SENP6: variants seen among roughly 807,000 people sequenced by gnomAD.
The protein encoded by SENP6 is sentrin-specific protease 6.
In SENP6, 41 loss-of-function variants were observed where a neutral mutation model predicts 134.5. The ratio of observed to expected loss-of-function variants is 0.30; its 90% CI spans 0.24 to 0.40. The LOEUF (loss-of-function observed/expected upper bound fraction) is 0.40. SENP6 is among the 10% of genes least tolerant of loss of function. SENP6 has a pLI of 1.00. For synonymous variants in SENP6, 395 were observed against 429.8 expected (o/e 0.92, Z 1.00); for missense variants, 1,248 against 1,312.5 (o/e 0.95, Z 0.76).
Position 75,666,841 on chromosome 6 carries a change from A to G in SENP6, c.1124A>G (p.Asn375Ser). Reference sequence around the variant, plus strand: ...ACTGGAAAAGTAGAAGCAGCGCTAAATGAAAATACTTGCAGAGCAGAGCGT... The same window carrying G: ...ACTGGAAAAGTAGAAGCAGCGCTAAGTGAAAATACTTGCAGAGCAGAGCGT... ...PSTGKVEAAL[N>S]ENTCRAEREL... Residue 375 changes from asparagine to serine, a missense_variant, in exon 10 of 24, where the codon AAT becomes AGT. Transcript: ENST00000447266. 1.2e-6 allele frequency: 2 copies of G among 1,613,878 alleles called. No individual in the cohort carries two copies. The highest frequency in any genetic ancestry group is 1.7e-6 in the Non-Finnish European group (2 of 1,179,768).
At chr6:75,679,215 A>T (rs538424790) in intron 16 of SENP6, 1 of 255,424 alleles carries the variant, frequency 3.9e-6, no homozygotes, top group South Asian at 5.5e-5. Flanking sequence ...AGAGTTCACG[A>T]CCAGCCTGGG....
intron 16 of SENP6, among the ~76,000 whole-genome samples, chr6:75,682,790 T>C (rs959522067): frequency 2.2e-4 from 33 of 152,222 alleles, no homozygotes; most frequent in Non-Finnish European, 4.0e-4. Context: ...CACATTTCCT[T>C]AATCCAGTCT....
At chr6:75,665,599 A>G (rs1772139784) in intron 9 of SENP6, among the ~76,000 whole-genome samples, 1 of 152,218 alleles carries the variant, frequency 6.6e-6, no homozygotes, top group Admixed American at 6.5e-5. Flanking sequence ...ACAAGGTATA[A>G]GAGCAAATTA....
At chr6:75,683,408 C>G (rs915561688) in intron 16 of SENP6, among the ~76,000 whole-genome samples, 2 of 152,124 alleles carry the variant, frequency 1.3e-5, no homozygotes, top group African/African-American at 2.4e-5. Context: ...TAATTAGATC[C>G]CATTTGTCAA....
At chr6:75,608,519 AAAG>A (rs1490149653) in intron 1 of SENP6, among the ~76,000 whole-genome samples, 4 of 151,994 alleles carry the variant, frequency 2.6e-5, no homozygotes, top group Non-Finnish European at 5.9e-5. Flanking sequence ...GGAAGGAAAG[AAAG>A]AAGGAAAGAG....
At chr6:75,614,672 A>G (rs1767716641) in intron 1 of SENP6, among the ~76,000 whole-genome samples, 1 of 152,202 alleles carries the variant, frequency 6.6e-6, no homozygotes. Flanking sequence ...GCATCCATTG[A>G]TGATTCATGA....
At chr6:75,610,787 GTTGT>G (rs1209091281) in intron 1 of SENP6, among the ~76,000 whole-genome samples, 1 of 152,024 alleles carries the variant, frequency 6.6e-6, no homozygotes, top group Non-Finnish European at 1.5e-5. Flanking sequence ...GCCTTTGGAG[GTTGT>G]TTTTGTTTGT....
At chr6:75,647,689 G>T in intron 6 of SENP6, 42 bp from the exon 7 acceptor site, 1 of 1,378,326 alleles carries the variant, frequency 7.3e-7, no homozygotes. Context: ...TTTGAAAACT[G>T]TATTTCCTGT....
At chr6:75,704,239 T>C (rs1775236321) in intron 19 of SENP6, among the ~76,000 whole-genome samples, 1 of 152,176 alleles carries the variant, frequency 6.6e-6, no homozygotes. Context: ...CACCGGTCTT[T>C]GAGTTCTCTC....
At chr6:75,684,874 G>C (rs189371210) in intron 16 of SENP6, among the ~76,000 whole-genome samples, 5 of 152,064 alleles carry the variant, frequency 3.3e-5, no homozygotes, top group South Asian at 2.1e-4. Context: ...TTTGTTGTGT[G>C]TCTCCCAGGC....
chr6:75,666,856 G>C lies in SENP6; in HGVS notation c.1139G>C (p.Arg380Thr). 1.2e-6 allele frequency: 2 copies of C among 1,613,674 alleles called. No individual in the cohort carries two copies. Among genetic ancestry groups the C allele is most frequent in the Non-Finnish European group, 1.7e-6 (2 of 1,179,674 alleles). ...VEAALNENTC[R>T]AERELRSIPE... The stretch of plus-strand genomic sequence containing the variant: ...GCAGCGCTAAATGAAAATACTTGCA[G>C]AGCAGAGCGTGAACTACGAAGCATT... Residue 380 changes from arginine (R) to threonine (T), a missense_variant, in exon 10 of 24, where the codon AGA (arginine) becomes ACA (threonine). By Grantham distance (71) the Arg-to-Thr change is moderately conservative (BLOSUM62 -1). This residue lies in a region of SENP6 where 733 missense variants were observed against 725.4 expected (regional missense o/e 1.01). Coordinates refer to ENST00000447266, the MANE Select transcript of SENP6 (RefSeq NM_015571.4).
chr6:75,622,202 T>A (rs541380209), intron 2 of SENP6, among the ~76,000 whole-genome samples: 1 of 152,352 alleles, frequency 6.6e-6, no homozygotes, highest in Admixed American at 6.5e-5. Flanking sequence ...TGTGTAAAAA[T>A]TTTAAATGAT....
chr6:75,674,134 C>T (rs1190346922), intron 11 of SENP6, among the ~76,000 whole-genome samples: 4 of 146,608 alleles, frequency 2.7e-5, no homozygotes, highest in South Asian at 2.2e-4. Flanking sequence ...TAGAATGTTT[C>T]GCAAGCTACT....
At chr6:75,627,637 C>T (rs1768796431) in intron 3 of SENP6, among the ~76,000 whole-genome samples, 1 of 152,122 alleles carries the variant, frequency 6.6e-6, no homozygotes, top group African/African-American at 2.4e-5. Flanking sequence ...CTGTCACTAA[C>T]TTATATAGGG....
chr6:75,652,931 A>T (rs888054598), intron 7 of SENP6, among the ~76,000 whole-genome samples: 2 of 152,004 alleles, frequency 1.3e-5, no homozygotes, highest in Admixed American at 6.6e-5. Flanking sequence ...CTGCCCATTT[A>T]TTTATGTGTC....
At chr6:75,615,826 T>A (rs1767809557) in intron 1 of SENP6, among the ~76,000 whole-genome samples, 1 of 152,236 alleles carries the variant, frequency 6.6e-6, no homozygotes, top group Admixed American at 6.5e-5. Context: ...CTTCTGAGCC[T>A]GAGTTTTGAT....
chr6:75,617,288 T>TG (rs1396052733), intron 1 of SENP6, among the ~76,000 whole-genome samples: 3 of 143,096 alleles, frequency 2.1e-5, no homozygotes, highest in Non-Finnish European at 4.6e-5. Flanking sequence ...TTTTTTTTTT[T>TG]TTGAGACGGA....
At chr6:75,714,473 C>T (rs2149909618) in intron 23 of SENP6, among the ~76,000 whole-genome samples, 1 of 152,288 alleles carries the variant, frequency 6.6e-6, no homozygotes, top group Admixed American at 6.5e-5. Context: ...TGTCGCTATT[C>T]TGAACTGCTA....
intron 6 of SENP6, chr6:75,647,249 A>G (rs1273141935): frequency 6.6e-6 from 1 of 152,364 alleles, no homozygotes; most frequent in African/African-American, 2.4e-5. Flanking sequence ...TTGTGTTTAA[A>G]TAGATACAGT....
Sources: allele counts gnomAD v4.1 joint callset (sites outside exome capture counted in the v4.1 genomes callset), GRCh38; gene constraint gnomAD v4.1.1; regional missense constraint gnomAD v4.1.1; transcripts MANE v1.5; gene names NCBI Gene and HGNC (gene_info 2026-07-23, HGNC 2026-07-21).